TPRG1: variants seen among roughly 807,000 people sequenced by gnomAD.
TPRG1 encodes tumor protein p63-regulated gene 1 protein.
TPRG1 carries 29 observed loss-of-function variants against 29.3 expected under a neutral mutation model. That is an observed-to-expected ratio of 0.99 (90% CI 0.74 to 1.35). The LOEUF (loss-of-function observed/expected upper bound fraction) is 1.35, where lower values mean the gene tolerates loss of function less well. Ranked by LOEUF, TPRG1 falls within the 40% of genes most tolerant of loss-of-function variation. TPRG1 has a pLI of 0.00. For missense variants in TPRG1, 327 were observed against 335.0 expected, an observed-to-expected ratio of 0.98 and a Z score of 0.19; for synonymous variants, 130 against 116.8, an observed-to-expected ratio of 1.11 and a Z score of -0.73.
intron 3 of TPRG1, among the ~76,000 whole-genome samples, chr3:189,141,669 A>C (rs1258402879): frequency 6.6e-6 from 1 of 152,236 alleles, no homozygotes; most frequent in African/African-American, 2.4e-5. Flanking sequence ...TGTTCATCAA[A>C]TATTTTATTG....
intron 5 of TPRG1, among the ~76,000 whole-genome samples, chr3:189,154,569 G>T (rs1375687754): frequency 6.6e-6 from 1 of 151,742 alleles, no homozygotes; most frequent in Non-Finnish European, 1.5e-5. Flanking sequence ...AGCCTCCCAA[G>T]CAGCTGGGAT....
intron 3 of TPRG1, chr3:189,132,829 C>G (rs1723249857): frequency 6.6e-6 from 1 of 152,176 alleles, no homozygotes; most frequent in Non-Finnish European, 1.5e-5. Context: ...TCTTCAGTTC[C>G]AGTGTAGTAT....
chr3:189,076,434 G>A (rs1213773032), intron 4 of TPRG1, among the ~76,000 whole-genome samples: 1 of 151,998 alleles, frequency 6.6e-6, no homozygotes, highest in Non-Finnish European at 1.5e-5. Context: ...CTAATGATCT[G>A]TAAGTGCACC....
intron 5 of TPRG1, among the ~76,000 whole-genome samples, chr3:189,315,142 G>A (rs1440377126): frequency 6.6e-6 from 1 of 151,986 alleles, no homozygotes; most frequent in Non-Finnish European, 1.5e-5. Context: ...CTAGATGACA[G>A]AGCAAGATTT....
At chr3:189,058,497 T>C (rs926294051) in intron 4 of TPRG1, among the ~76,000 whole-genome samples, 4 of 152,196 alleles carry the variant, frequency 2.6e-5, no homozygotes, top group African/African-American at 7.2e-5. Context: ...TTATTCTTTA[T>C]ATTTATAACT....
chr3:189,241,305 CT>C (rs1038574983), intron 4 of TPRG1, among the ~76,000 whole-genome samples: 2 of 152,082 alleles, frequency 1.3e-5, no homozygotes, highest in Non-Finnish European at 2.9e-5. Flanking sequence ...AAAGAAAAGT[CT>C]CTTATTTGGG....
At chr3:189,157,553 G>A (rs1026789989) in intron 5 of TPRG1, among the ~76,000 whole-genome samples, 1 of 152,154 alleles carries the variant, frequency 6.6e-6, no homozygotes, top group East Asian at 1.9e-4. Context: ...CCAGGTTCCG[G>A]CCACCTTCTG....
At chr3:189,222,989 A>C (rs915643062) in intron 3 of TPRG1, among the ~76,000 whole-genome samples, 17 of 152,196 alleles carry the variant, frequency 1.1e-4, no homozygotes, top group African/African-American at 3.9e-4. Context: ...AACTGGAATA[A>C]TCTTGTCTCC....
chr3:189,123,326 CAAT>C (rs1479471707), intron 1 of TPRG1, among the ~76,000 whole-genome samples: 2 of 152,076 alleles, frequency 1.3e-5, no homozygotes, highest in African/African-American at 2.4e-5. Context: ...TGGTCTGTTA[CAAT>C]AATAATAGCT....
At chr3:189,150,302 C>A (rs1398380769) in intron 4 of TPRG1, among the ~76,000 whole-genome samples, 2 of 152,206 alleles carry the variant, frequency 1.3e-5, no homozygotes, top group Non-Finnish European at 2.9e-5. Context: ...CAAGCCTCAG[C>A]TTCCTGAGTA....
At chr3:189,272,752 G>GTTCC (rs1179275065) in intron 4 of TPRG1, among the ~76,000 whole-genome samples, 58 of 44,898 alleles carry the variant, frequency 1.3e-3, no homozygotes, top group Admixed American at 8.7e-4. Flanking sequence ...TCCTTCCTTC[G>GTTCC]TTCCTTCCTT....
intron 1 of TPRG1, among the ~76,000 whole-genome samples, chr3:189,173,895 T>C (rs1729150561): frequency 6.6e-6 from 1 of 152,202 alleles, no homozygotes; most frequent in Non-Finnish European, 1.5e-5. Context: ...TCATGCCCTT[T>C]AGAGCAGGGA....
At position 189,222,240 on chromosome 3, in the gene TPRG1, G is replaced by A. The variant is rs146818066; in HGVS notation, c.302+6857G>A. On this transcript the variant is annotated intron_variant, in intron 3 of 5. Coordinates refer to ENST00000345063, the MANE Select transcript of TPRG1 (RefSeq NM_198485.4). ...GGGCAATGCTGATGGACTAAAGCCA[G>A]TCACACGTTTACCTTGTCACAGTCT... Among the ~76,000 whole-genome samples, 26 of 152,180 alleles carry A rather than the reference G, an allele frequency of 1.7e-4. No homozygotes were observed. The East Asian group carries it at 4.4e-3, about 26-fold the overall frequency.
At chr3:189,140,643 A>G (rs1477610700) in intron 3 of TPRG1, among the ~76,000 whole-genome samples, 2 of 152,112 alleles carry the variant, frequency 1.3e-5, no homozygotes, top group Non-Finnish European at 2.9e-5. Context: ...ATTCTGTTAA[A>G]TGGTTTTTTC....
intron 5 of TPRG1, among the ~76,000 whole-genome samples, chr3:189,312,434 CG>C (rs74636668): frequency 0.097 from 14,770 of 151,820 alleles, 900 homozygotes; most frequent in East Asian, 0.19. Flanking sequence ...CATCTGGTTC[CG>C]ACCATTAAAA....
chr3:189,319,386 CCTCTCCTAGG>C (rs548429983), intron 5 of TPRG1, among the ~76,000 whole-genome samples: 3 of 152,038 alleles, frequency 2.0e-5, no homozygotes, highest in Non-Finnish European at 2.9e-5. Flanking sequence ...CCAATCTGTA[CCTCTCCTAGG>C]CTTTCTCAAC....
chr3:189,082,086 A>T (rs1216439613), intron 4 of TPRG1, among the ~76,000 whole-genome samples: 1 of 152,230 alleles, frequency 6.6e-6, no homozygotes, highest in African/African-American at 2.4e-5. Flanking sequence ...TCTGAGGTCT[A>T]TCTTGCTGAG....
chr3:189,194,216 C>A (rs1459186491), intron 1 of TPRG1, among the ~76,000 whole-genome samples: 1 of 152,024 alleles, frequency 6.6e-6, no homozygotes, highest in Non-Finnish European at 1.5e-5. Flanking sequence ...ACCTCAGTGG[C>A]CTAGGCTGTA....
chr3:189,152,524 T>C (rs574429199), intron 5 of TPRG1, among the ~76,000 whole-genome samples: 44 of 152,168 alleles, frequency 2.9e-4, no homozygotes, highest in African/African-American at 1.0e-3. Flanking sequence ...AGAGGAAACA[T>C]AAGAAAAAGT....
Sources: gnomAD v4.1 joint callset for allele counts (sites outside exome capture counted in the v4.1 genomes callset) on GRCh38, gnomAD v4.1.1 for gene constraint, MANE v1.5 for transcripts, NCBI Gene and HGNC (gene_info 2026-07-23, HGNC 2026-07-21) for gene names.